WRN: variants seen among roughly 807,000 people sequenced by gnomAD.
WRN encodes the protein bifunctional 3'-5' exonuclease/ATP-dependent helicase WRN.
A neutral mutation model predicts 180.7 loss-of-function variants in WRN; 149 were observed. That is an observed-to-expected ratio of 0.82 (90% CI 0.72 to 0.94). The LOEUF (loss-of-function observed/expected upper bound fraction) is 0.94. WRN is among the 40% of genes least tolerant of loss of function. The pLI, the probability that WRN is intolerant of heterozygous loss-of-function variation, is 0.00. For missense variants in WRN, 1,661 were observed against 1,700.1 expected (o/e 0.98, Z 0.40); for synonymous variants, 548 against 568.9 (o/e 0.96, Z 0.52).
intron 23 of WRN, among the ~76,000 whole-genome samples, chr8:31,130,421 A>G (rs908641355): frequency 1.3e-5 from 2 of 152,182 alleles, no homozygotes; most frequent in African/African-American, 4.8e-5. Context: ...GTTGAACTCT[A>G]TAGTAGATTT....
At chr8:31,072,899 G>A (rs576178802) in intron 7 of WRN, among the ~76,000 whole-genome samples, 81 of 152,258 alleles carry the variant, frequency 5.3e-4, no homozygotes, top group Non-Finnish European at 9.4e-4. Context: ...AGGGAAGAAA[G>A]TGCAAAGCCT....
chr8:31,047,138 ATTTT>A (rs549940818), intron 1 of WRN, among the ~76,000 whole-genome samples: 5 of 115,310 alleles, frequency 4.3e-5, no homozygotes, highest in Non-Finnish European at 3.6e-5. Flanking sequence ...GGCAATGCTG[ATTTT>A]TTTTTTTTTT....
At chr8:31,114,568 G>C (rs1041338716) in intron 19 of WRN, among the ~76,000 whole-genome samples, 5 of 152,052 alleles carry the variant, frequency 3.3e-5, no homozygotes, top group African/African-American at 1.2e-4. Context: ...CAACACTGTT[G>C]CATATAAATT....
intron 26 of WRN, 63 bp downstream of exon 26, chr8:31,141,838 ATTATACCAGTTTATAGGCCT>A: frequency 2.7e-6 from 4 of 1,488,972 alleles, no homozygotes; most frequent in Non-Finnish European, 3.7e-6. Flanking sequence ...TGTGATTCAA[ATTATACCAGTTTATAGGCCT>A]CTCACAAGTA....
At chr8:31,104,269 C>T (rs73583703) in intron 18 of WRN, among the ~76,000 whole-genome samples, 3,402 of 152,164 alleles carry the variant, frequency 0.022, 122 homozygotes, top group African/African-American at 0.079. Context: ...CGATAGGTGT[C>T]GAGTGGTATC....
chr8:31,129,328 G>A (rs1802054498), intron 23 of WRN, among the ~76,000 whole-genome samples: 1 of 152,174 alleles, frequency 6.6e-6, no homozygotes, highest in African/African-American at 2.4e-5. Context: ...CATGCCTTTT[G>A]TTTATGTGTT....
chr8:31,097,176 T>G (rs1814024156), intron 17 of WRN, among the ~76,000 whole-genome samples: 2 of 152,240 alleles, frequency 1.3e-5, no homozygotes, highest in South Asian at 4.1e-4. Context: ...TATAGGCACT[T>G]AAACATATTG....
chr8:31,131,741 A>ATGGTG (rs1178274543), intron 23 of WRN: 1 of 152,782 alleles, frequency 6.5e-6, no homozygotes, highest in Admixed American at 6.6e-5. Context: ...AAACTGCACC[A>ATGGTG]CAGTTTAAGA....
chr8:31,173,695 T>G lies in WRN; in HGVS notation c.*593T>G, dbSNP rs1804184859. On this transcript the variant is annotated 3_prime_UTR_variant, in exon 35 of 35. Coordinates refer to ENST00000298139, the MANE Select transcript of WRN (RefSeq NM_000553.6). ...CAATTGCACTAGGCAAGTGTATATT[T>G]TGTATTTTATATACAATTTCTATTA... is the stretch of plus-strand genomic sequence containing the variant. 1 of 163,176 alleles carries G rather than the reference T, an allele frequency of 6.1e-6. No homozygotes were observed. Among genetic ancestry groups the G allele is most frequent in the Non-Finnish European group, 1.3e-5 (1 of 74,892 alleles). The allele number at this position is 163,176 out of a possible 1,614,324, so 10.1% of individuals were successfully genotyped here.
At chr8:31,108,747 C>T (rs569156165) in intron 18 of WRN, among the ~76,000 whole-genome samples, 318 of 151,986 alleles carry the variant, frequency 2.1e-3, no homozygotes, top group African/African-American at 7.0e-3. Context: ...GTTGTGGGGC[C>T]GGAGGGTAAC....
At chr8:31,116,602 G>A (rs2130306804) in intron 20 of WRN, 74 bp downstream of exon 20, 1 of 1,577,424 alleles carries the variant, frequency 6.3e-7, no homozygotes, top group Non-Finnish European at 8.7e-7. Flanking sequence ...TTATTTACCA[G>A]ATCTTTATTG....
chr8:31,125,704 G>A (rs1801904460), intron 23 of WRN, among the ~76,000 whole-genome samples: 1 of 150,270 alleles, frequency 6.7e-6, no homozygotes, highest in Non-Finnish European at 1.5e-5. Flanking sequence ...ACTCAGGCAA[G>A]AGGTGATGTT....
In WRN at chr8:31,152,483, C is replaced by T. The variant is rs115806852; in HGVS notation, c.3687+2028C>T. Among the ~76,000 whole-genome samples the T allele has an allele frequency of 2.8e-3, 423 of 151,572 alleles. 2 individuals are homozygous for T. Among genetic ancestry groups the T allele is most frequent in the African/African-American group, 9.2e-3 (381 of 41,316 alleles). On this transcript the variant is annotated intron_variant, in intron 31 of 34. Coordinates refer to ENST00000298139, the MANE Select transcript of WRN (RefSeq NM_000553.6). ...GGCTATGAATGACAGTTGATGAAACCGGGTGGTGCCCATCTTATTCCCTCG... is the reference window on the plus strand; with the variant it reads ...GGCTATGAATGACAGTTGATGAAACTGGGTGGTGCCCATCTTATTCCCTCG...
intron 18 of WRN, among the ~76,000 whole-genome samples, chr8:31,102,226 C>T (rs1270396016): frequency 6.6e-6 from 1 of 152,254 alleles, no homozygotes; most frequent in Non-Finnish European, 1.5e-5. Flanking sequence ...GCCCTAGCCA[C>T]TGGCAACCAC....
rs1283689204 is a variant in WRN at position 31,038,533 on chromosome 8, T to C, written c.-77+4560T>C. Among the ~76,000 whole-genome samples, 3 of 152,178 alleles carry C rather than the reference T, an allele frequency of 2.0e-5. No homozygotes were observed. In the East Asian group the frequency reaches 5.8e-4, roughly 29 times the overall value. On this transcript the variant is annotated intron_variant, in intron 1 of 34. Transcript: ENST00000298139. The stretch of plus-strand genomic sequence containing the variant: ...TTTGTGGGTTTTCTTCACTTTTTGA[T>C]ATTGTTCTTTGATTCACTTTTAAAT...
At chr8:31,152,437 G>T (rs972982554) in intron 31 of WRN, among the ~76,000 whole-genome samples, 8 of 151,966 alleles carry the variant, frequency 5.3e-5, no homozygotes, top group Admixed American at 1.3e-4. Flanking sequence ...AAATATCTAA[G>T]GATGTTCATG....
intron 17 of WRN, among the ~76,000 whole-genome samples, chr8:31,099,334 G>A (rs1025237200): frequency 1.3e-5 from 2 of 151,274 alleles, no homozygotes; most frequent in Admixed American, 1.3e-4. Flanking sequence ...AACCCGGGAG[G>A]CAGAGCTTGC....
chr8:31,150,587 A>G lies in WRN; in HGVS notation c.3687+132A>G, dbSNP rs199647316. The G allele has an allele frequency of 2.0e-4, 158 of 772,360 alleles. 2 individuals are homozygous for G. The East Asian group carries it at 3.4e-3, about 17-fold the overall frequency. The allele number at this position is 772,360 out of a possible 1,614,324, so 47.8% of individuals were successfully genotyped here. On this transcript the variant is annotated intron_variant, in intron 31 of 34. Transcript: ENST00000298139. The stretch of plus-strand genomic sequence containing the variant: ...TACTGGACACTTAGAAAATGAATTA[A>G]AATTGTTTTTACAGTCAATCTGTTG...
Position 31,108,903 on chromosome 8 carries a change from G to A in WRN, c.2089-2712G>A, listed in dbSNP as rs545602061. Among the ~76,000 whole-genome samples, 4 of 152,324 alleles carry A rather than the reference G, an allele frequency of 2.6e-5. No homozygotes were observed. The East Asian group carries it at 7.7e-4, about 29-fold the overall frequency. On this transcript the variant is annotated intron_variant, in intron 18 of 34. Coordinates refer to ENST00000298139, the MANE Select transcript of WRN (RefSeq NM_000553.6). ...AGCCCAAGCTCAAGTTCAAGCCCCA[G>A]CATGGCACAATTTTGTGAATTAACT...
Sources: gnomAD v4.1 joint callset for allele counts (sites outside exome capture counted in the v4.1 genomes callset) on GRCh38, gnomAD v4.1.1 for gene constraint, MANE v1.5 for transcripts, NCBI Gene and HGNC (gene_info 2026-07-23, HGNC 2026-07-21) for gene names.